Variants in AFG2A observed in about 807,000 individuals in gnomAD.
The protein encoded by AFG2A is AAA ATPase AFG2A.
chr4:122,933,863 T>C, the AFG2A span, among the ~76,000 whole-genome samples: 72 of 152,316 alleles, frequency 4.7e-4, no homozygotes, highest in African/African-American at 1.3e-3. Context: ...GTTGATGTGA[T>C]TGATAGAATC....
chr4:123,283,826 CCAGGAGGAACTGTGTT>C, the AFG2A span, among the ~76,000 whole-genome samples: 7 of 152,146 alleles, frequency 4.6e-5, no homozygotes, highest in African/African-American at 7.2e-5. Context: ...TTGAGTAGTT[CCAGGAGGAACTGTGTT>C]CTCCGCAAGA....
chr4:123,016,710 C>A, the AFG2A span, among the ~76,000 whole-genome samples: 2,463 of 151,736 alleles, frequency 0.016, 65 homozygotes, highest in African/African-American at 0.056. Context: ...CCTCACTTCC[C>A]AGACGGGGTG....
At chr4:123,216,711 G>A in the AFG2A span, among the ~76,000 whole-genome samples, 4,652 of 150,298 alleles carry the variant, frequency 0.031, 97 homozygotes, top group African/African-American at 0.038. Flanking sequence ...TGTCACCCAG[G>A]CCAGAGCACA....
the AFG2A span, among the ~76,000 whole-genome samples, chr4:122,950,674 A>G: frequency 6.6e-6 from 1 of 152,202 alleles, no homozygotes; most frequent in African/African-American, 2.4e-5. Context: ...TGTAGGCTGC[A>G]CACATCTGTT....
At chr4:123,091,461 CTT>C in the AFG2A span, among the ~76,000 whole-genome samples, 1 of 152,050 alleles carries the variant, frequency 6.6e-6, no homozygotes, top group Non-Finnish European at 1.5e-5. Flanking sequence ...TTTTGAAATT[CTT>C]TGTTTCATCT....
At chr4:123,259,012 ACC>A in the AFG2A span, among the ~76,000 whole-genome samples, 2 of 151,724 alleles carry the variant, frequency 1.3e-5, no homozygotes, top group Non-Finnish European at 2.9e-5. Context: ...GATTACAGGC[ACC>A]CACCACCACG....
At chr4:122,944,187 C>T in the AFG2A span, among the ~76,000 whole-genome samples, 51 of 152,136 alleles carry the variant, frequency 3.4e-4, no homozygotes, top group Non-Finnish European at 5.4e-4. Context: ...TGGCCTGCCT[C>T]GCTAGATTGG....
the AFG2A span, among the ~76,000 whole-genome samples, chr4:123,129,662 T>A: frequency 6.6e-6 from 1 of 152,244 alleles, no homozygotes; most frequent in Admixed American, 6.5e-5. Flanking sequence ...CTCCTTTACA[T>A]ATTTATTCTG....
the AFG2A span, among the ~76,000 whole-genome samples, chr4:123,310,084 C>T: frequency 5.3e-4 from 81 of 152,256 alleles, no homozygotes; most frequent in African/African-American, 1.9e-3. Flanking sequence ...TTTTTATTCG[C>T]GGTAGGAGAA....
At chr4:123,124,592 C>G in the AFG2A span, among the ~76,000 whole-genome samples, 2 of 152,048 alleles carry the variant, frequency 1.3e-5, no homozygotes, top group African/African-American at 4.8e-5. Flanking sequence ...ACATGTGTAA[C>G]AAACCTGCAC....
the AFG2A span, among the ~76,000 whole-genome samples, chr4:123,144,660 G>A: frequency 6.6e-6 from 1 of 152,176 alleles, no homozygotes; most frequent in Admixed American, 6.5e-5. Flanking sequence ...ATGATTAAAA[G>A]CAAAAGCATT....
chr4:123,307,007 C>T, the AFG2A span, among the ~76,000 whole-genome samples: 13 of 152,220 alleles, frequency 8.5e-5, no homozygotes, highest in African/African-American at 1.2e-4. Context: ...GGAGCTTGAG[C>T]GACCCAGGTT....
chr4:122,963,233 T>C, the AFG2A span, among the ~76,000 whole-genome samples: 1 of 152,244 alleles, frequency 6.6e-6, no homozygotes, highest in Non-Finnish European at 1.5e-5. Flanking sequence ...TTGGGTGTTA[T>C]GTGAATGATC....
At chr4:123,186,554 T>C in the AFG2A span, among the ~76,000 whole-genome samples, 1 of 152,222 alleles carries the variant, frequency 6.6e-6, no homozygotes, top group Non-Finnish European at 1.5e-5. Context: ...GTTTTAGTTT[T>C]CTACAGTCTA....
At chr4:123,113,744 T>C in the AFG2A span, among the ~76,000 whole-genome samples, 1 of 152,160 alleles carries the variant, frequency 6.6e-6, no homozygotes, top group African/African-American at 2.4e-5. Flanking sequence ...AGTGGCGCCT[T>C]TGCCTGAGTT....
At chr4:123,176,393 A>G in the AFG2A span, among the ~76,000 whole-genome samples, 1 of 152,232 alleles carries the variant, frequency 6.6e-6, no homozygotes, top group Non-Finnish European at 1.5e-5. Flanking sequence ...CAGCTCTCAA[A>G]TATCCCTTCT....
chr4:123,283,738 A>G, the AFG2A span, among the ~76,000 whole-genome samples: 2 of 152,214 alleles, frequency 1.3e-5, no homozygotes, highest in Non-Finnish European at 2.9e-5. Context: ...TCCAATGTCC[A>G]TAAAGTTGTA....
chr4:123,155,785 G>A, the AFG2A span, among the ~76,000 whole-genome samples: 938 of 152,242 alleles, frequency 6.2e-3, 5 homozygotes, highest in Non-Finnish European at 9.2e-3. Flanking sequence ...GGAGGTCCTG[G>A]AACCAATCCC....
chr4:123,038,645 G>C, the AFG2A span, among the ~76,000 whole-genome samples: 1 of 152,034 alleles, frequency 6.6e-6, no homozygotes, highest in Non-Finnish European at 1.5e-5. Context: ...AGGCCATCTA[G>C]GTAAGATTCA....
Sources: allele counts gnomAD v4.1 joint callset (sites outside exome capture counted in the v4.1 genomes callset), GRCh38; gene constraint gnomAD v4.1.1; transcripts MANE v1.5; gene names NCBI Gene and HGNC (gene_info 2026-07-23, HGNC 2026-07-21).